The following FLCN variants were observed in gnomAD, a reference collection of about 807,000 sequenced individuals.
FLCN encodes the protein BHD skin lesion fibrofolliculoma protein.
In FLCN, 22 loss-of-function variants were observed where a neutral mutation model predicts 62.5. The observed-to-expected ratio is 0.35, with a 90% CI of 0.25 to 0.50. FLCN has a LOEUF of 0.50. Ranked by LOEUF, FLCN falls within the 20% of genes least tolerant of loss-of-function variation. The pLI is 0.97. For synonymous variants in FLCN, 319 were observed against 310.0 expected, an observed-to-expected ratio of 1.03 and a Z score of -0.30; for missense variants, 657 against 778.0, an observed-to-expected ratio of 0.84 and a Z score of 1.85.
intron 11 of FLCN, 115 bp from the exon 12 acceptor site, chr17:17,215,431 G>C: frequency 6.6e-7 from 1 of 1,514,484 alleles, no homozygotes. Context: ...AAGGCTGCTG[G>C]TGAAAAGACT....
chr17:17,233,017 T>C (rs1025787574), intron 1 of FLCN, 116 bp from the exon 2 acceptor site: 2 of 152,218 alleles, frequency 1.3e-5, no homozygotes, highest in African/African-American at 4.8e-5. Context: ...CTGATGAGGA[T>C]GTAGACACTC....
chr17:17,229,914 G>A (rs1597623139), intron 3 of FLCN, among the ~76,000 whole-genome samples: 1 of 152,310 alleles, frequency 6.6e-6, no homozygotes, highest in East Asian at 1.9e-4. Context: ...GAAGGCCAGG[G>A]GCAGCTGCAG....
intron 5 of FLCN, chr17:17,225,773 T>C (rs2047227059): frequency 3.1e-6 from 1 of 323,850 alleles, no homozygotes; most frequent in African/African-American, 2.2e-5. Flanking sequence ...CCCAGCCACC[T>C]GGGAGGCTAA....
At chr17:17,215,579 C>T (rs937925038) in intron 11 of FLCN, among the ~76,000 whole-genome samples, 6 of 152,252 alleles carry the variant, frequency 3.9e-5, no homozygotes, top group Admixed American at 6.5e-5. Context: ...CAATTTACCT[C>T]TGGCTAAGCA....
At position 17,224,111 on chromosome 17, in the gene FLCN, G is replaced by C. The variant is rs773792624; in HGVS notation, c.429C>G (p.Phe143Leu). The change falls in exon 6 of 14, where the codon TTC becomes TTG. Residue 143 changes from phenylalanine (F) to leucine (L), a missense_variant. Physicochemically the swap from Phe to Leu is conservative, Grantham distance 22. Coordinates refer to ENST00000285071, the MANE Select transcript of FLCN (RefSeq NM_144997.7). ...VCPGREGPIF[F>L]GDEQHGFVFS... The stretch of plus-strand genomic sequence containing the variant: ...ACACAAAGCCGTGCTGCTCATCTCC[G>C]AAGAAGATGGGGCCTTCACGGCCAG... The C allele has an allele frequency of 4.4e-6, 7 of 1,605,566 alleles. No individual in the cohort carries two copies. The highest frequency in any genetic ancestry group is 6.0e-6 in the Non-Finnish European group (7 of 1,176,062).
intron 9 of FLCN, chr17:17,217,475 AC>A (rs2046961722): frequency 2.2e-6 from 1 of 457,600 alleles, no homozygotes; most frequent in Non-Finnish European, 4.0e-6. Context: ...TGCAATATTC[AC>A]CTTCTCTCTA....
chr17:17,227,068 C>T (rs1244232267), intron 4 of FLCN, among the ~76,000 whole-genome samples: 1 of 152,224 alleles, frequency 6.6e-6, no homozygotes, highest in Admixed American at 6.5e-5. Flanking sequence ...TCCCCCATTC[C>T]TTACAGGCAA....
intron 9 of FLCN, among the ~76,000 whole-genome samples, 161 bp downstream of exon 9, chr17:17,218,858 C>A (rs1229348622): frequency 4.6e-5 from 7 of 152,176 alleles, no homozygotes; most frequent in Admixed American, 4.6e-4. Context: ...ATGGCTAATA[C>A]CCCCAACGCC....
intron 11 of FLCN, 90 bp from the exon 12 acceptor site, chr17:17,215,406 C>T: frequency 1.3e-6 from 2 of 1,595,478 alleles, no homozygotes; most frequent in East Asian, 4.5e-5. Flanking sequence ...CTCCGCTCAT[C>T]CCAGGTCAGT....
In FLCN at chr17:17,216,524, C is replaced by T. The variant is rs150687840; in HGVS notation, c.1177-21G>A. 1.3e-3 allele frequency: 2,164 copies of T among 1,613,394 alleles called. 15 individuals are homozygous for T. The highest frequency in any genetic ancestry group is 6.3e-3 in the South Asian group (575 of 91,028). ...ATGGTCTGAGGAGGACAGCAGGACT[C>T]AGACCAAGGACACGAGGAAGCCCTC... On this transcript the variant is annotated intron_variant, in intron 10 of 13. Transcript: ENST00000285071. The surrounding 1 kb of genome is among the most constrained non-coding windows in gnomAD (Gnocchi z 4.0).
rs1018033454 is a variant in FLCN at position 17,212,452 on chromosome 17, G to A, written c.*1203C>T. 1.5e-5 allele frequency: 2 copies of A among 129,338 alleles called. No individual in the cohort carries two copies. Among genetic ancestry groups the A allele is most frequent in the East Asian group, 3.4e-4 (2 of 5,840 alleles). The allele number at this position is 129,338 out of a possible 1,614,324, so 8.0% of individuals were successfully genotyped here. A position where few individuals can be genotyped will look rare whatever the true frequency, so the allele number is the denominator to read the frequency against. The stretch of plus-strand genomic sequence containing the variant: ...TCAGGAGTTCAAGACCAGCCTGGAC[G>A]ACATAGCAAGATGCCATCTCTTTAA... On this transcript the variant is annotated 3_prime_UTR_variant, in exon 14 of 14. Transcript: ENST00000285071.
rs1296448280 is a variant in FLCN at position 17,236,996 on chromosome 17, C to G, written c.-312G>C. On this transcript the variant is annotated 5_prime_UTR_variant, in exon 1 of 14. Transcript: ENST00000285071. Reference sequence around the variant, plus strand: ...GGTCCCAGCCCCGCCCCTGACTGCGCTGGGTAGGTGGTCGCTGCGGGACCC... The same window carrying G: ...GGTCCCAGCCCCGCCCCTGACTGCGGTGGGTAGGTGGTCGCTGCGGGACCC... 6.6e-6 allele frequency: 1 copy of G among 152,234 alleles called. No homozygotes were observed. The highest frequency in any genetic ancestry group is 6.5e-5 in the Admixed American group (1 of 15,284). The allele number at this position is 152,234 out of a possible 1,614,324, so 9.4% of individuals were successfully genotyped here.
rs747413239 is a variant in FLCN at position 17,213,625 on chromosome 17, C to G, written c.*30G>C. The G allele has an allele frequency of 6.2e-7, 1 of 1,613,638 alleles. No homozygotes were observed. The highest frequency in any genetic ancestry group is 1.1e-5 in the South Asian group (1 of 91,060). On this transcript the variant is annotated 3_prime_UTR_variant, in exon 14 of 14. Coordinates refer to ENST00000285071, the MANE Select transcript of FLCN (RefSeq NM_144997.7). ...GCTGGAGGATCCTGTGGACAGCCATCCCTGTCTTTAGGCAGGTGTGTGTGA... is the reference window on the plus strand; with the variant it reads ...GCTGGAGGATCCTGTGGACAGCCATGCCTGTCTTTAGGCAGGTGTGTGTGA...
At chr17:17,234,511 G>A (rs1324033437) in intron 1 of FLCN, among the ~76,000 whole-genome samples, 1 of 151,108 alleles carries the variant, frequency 6.6e-6, no homozygotes, top group African/African-American at 2.4e-5. Flanking sequence ...CACCATGTCT[G>A]GCCAAAACAT....
At chr17:17,235,138 A>G (rs2047545262) in intron 1 of FLCN, among the ~76,000 whole-genome samples, 1 of 145,548 alleles carries the variant, frequency 6.9e-6, no homozygotes, top group African/African-American at 2.5e-5. Context: ...AAAGCCAGGC[A>G]TGGTGGTGGT....
rs1372944198 is a variant in FLCN at position 17,233,905 on chromosome 17, T to C, written c.-227-1004A>G. ...CACCTGGCTAATTTTTGTATTTTAG[T>C]AGAGACAGAGTTTCACCATGTTGGC... On this transcript the variant is annotated intron_variant, in intron 1 of 13. Transcript: ENST00000285071. Among the ~76,000 whole-genome samples, 7 of 151,576 alleles carry C rather than the reference T, an allele frequency of 4.6e-5. No homozygotes were observed. The South Asian group carries it at 1.0e-3, about 23-fold the overall frequency.
At position 17,226,188 on chromosome 17, in the gene FLCN, G is replaced by C; in HGVS notation, c.384C>G (p.Ser128Arg). Reference protein sequence around the residue: ...FSIVRQACVRSLSCEVCPGRE... With the variant: ...FSIVRQACVRRLSCEVCPGRE... ...CCACAAGGCTCACCTCACAGCTCAG[G>C]CTCCGGACACAGGCCTGGCGGACAA... Residue 128 changes from serine to arginine, a missense_variant, in exon 5 of 14, where the codon AGC (serine) becomes AGG (arginine). Coordinates refer to ENST00000285071, the MANE Select transcript of FLCN (RefSeq NM_144997.7). 2.5e-6 allele frequency: 4 copies of C among 1,614,108 alleles called. No homozygotes were observed. The highest frequency in any genetic ancestry group is 3.4e-6 in the Non-Finnish European group (4 of 1,180,020).
rs2047602985 is a variant in FLCN at position 17,237,099 on chromosome 17, G to A, written c.-415C>T. The A allele has an allele frequency of 6.6e-6, 1 of 152,246 alleles. No homozygotes were observed. Among genetic ancestry groups the A allele is most frequent in the Non-Finnish European group, 1.5e-5 (1 of 68,064 alleles). The allele number at this position is 152,246 out of a possible 1,614,324, so 9.4% of individuals were successfully genotyped here. On this transcript the variant is annotated 5_prime_UTR_variant, in exon 1 of 14. Transcript: ENST00000285071. ...CGGGGTGGCGAGGCTCTCAAGCCCG[G>A]GTTCAGGCTCTCAGGGGAGCTGGCA...
rs756787389 is a variant in FLCN, at chr17:17,219,129, C to T, written c.952G>A (p.Glu318Lys). 6.8e-6 allele frequency: 11 copies of T among 1,614,110 alleles called. No homozygotes were observed. The African/African-American group carries it at 1.3e-4, about 20-fold the overall frequency. ...EKAPVLPEST[E>K]GRELTQGPAE... The stretch of plus-strand genomic sequence containing the variant: ...GGGCCCTGGGTCAGCTCCCGCCCTT[C>T]TGTACTCTCTGGCAACACAGGGGCT... Residue 318 changes from glutamate to lysine, a missense_variant, in exon 9 of 14, where the codon GAA becomes AAA. Coordinates refer to ENST00000285071, the MANE Select transcript of FLCN (RefSeq NM_144997.7).
Sources: gnomAD v4.1 joint callset for allele counts (sites outside exome capture counted in the v4.1 genomes callset) on GRCh38, gnomAD v4.1.1 for gene constraint, Gnocchi (gnomAD v3.1) non-coding constraint, MANE v1.5 for transcripts, NCBI Gene and HGNC (gene_info 2026-07-23, HGNC 2026-07-21) for gene names.